Variants in EXOC6B observed in about 807,000 individuals in gnomAD.
EXOC6B encodes SEC15 homolog B.
In EXOC6B, 54 loss-of-function variants were observed where a neutral mutation model predicts 113.5. The observed-to-expected ratio is 0.48, with a 90% CI of 0.38 to 0.60. The LOEUF is 0.60. Among genes scored for constraint, EXOC6B ranks in the 20% least tolerant of loss-of-function variants. EXOC6B has a pLI of 0.00. For missense variants in EXOC6B, 797 were observed against 977.5 expected (o/e 0.82, Z 2.46); for synonymous variants, 357 against 339.0 (o/e 1.05, Z -0.58).
intron 6 of EXOC6B, among the ~76,000 whole-genome samples, chr2:72,616,543 G>A (rs766918277): frequency 3.9e-5 from 6 of 152,172 alleles, no homozygotes; most frequent in Non-Finnish European, 7.4e-5. Flanking sequence ...AAGGCAAGAA[G>A]GAACAAGTCA....
In EXOC6B at chr2:72,781,880, T is replaced by C. The variant is rs57181862; in HGVS notation, c.114-40411A>G. Among the ~76,000 whole-genome samples the C allele has an allele frequency of 5.4e-3, 817 of 152,202 alleles. 8 individuals carry two copies. The highest frequency in any genetic ancestry group is 0.018 in the African/African-American group (766 of 41,536). ...TAGGCCAGGCGCAGTGGTTCGCACT[T>C]GTAATCCCAGAACTTTGGGAGGCCG... is the stretch of plus-strand genomic sequence containing the variant. On this transcript the variant is annotated intron_variant, in intron 1 of 21. Transcript: ENST00000272427.
chr2:72,555,447 T>C (rs1447043731), intron 8 of EXOC6B, among the ~76,000 whole-genome samples: 2 of 152,200 alleles, frequency 1.3e-5, no homozygotes, highest in African/African-American at 4.8e-5. Context: ...TGATCACCAT[T>C]CTAACTGGTG....
chr2:72,564,294 C>A, intron 7 of EXOC6B, among the ~76,000 whole-genome samples: 1 of 152,142 alleles, frequency 6.6e-6, no homozygotes, highest in East Asian at 1.9e-4. Flanking sequence ...CCTCATACAC[C>A]TACACGGCAT....
chr2:72,710,857 C>T (rs911921971), intron 6 of EXOC6B, among the ~76,000 whole-genome samples: 2 of 152,152 alleles, frequency 1.3e-5, no homozygotes, highest in Non-Finnish European at 2.9e-5. Context: ...GGAATAATGC[C>T]TAGGAGCCTT....
At chr2:72,709,056 TA>T (rs772379992) in intron 6 of EXOC6B, among the ~76,000 whole-genome samples, 22 of 145,648 alleles carry the variant, frequency 1.5e-4, no homozygotes, top group East Asian at 1.2e-3. Flanking sequence ...AATTAAAATT[TA>T]AAAAAAAAAA....
intron 19 of EXOC6B, among the ~76,000 whole-genome samples, chr2:72,346,886 A>G (rs768056845): frequency 6.6e-6 from 1 of 152,120 alleles, no homozygotes; most frequent in Non-Finnish European, 1.5e-5. Flanking sequence ...TTCAACCTAC[A>G]ATCTTGGGAT....
At chr2:72,337,378 T>G (rs1237890781) in intron 19 of EXOC6B, among the ~76,000 whole-genome samples, 1 of 152,170 alleles carries the variant, frequency 6.6e-6, no homozygotes, top group Non-Finnish European at 1.5e-5. Flanking sequence ...GTTCAAACCC[T>G]ACTTGTGTCA....
chr2:72,631,487 G>T (rs867512881), intron 6 of EXOC6B, among the ~76,000 whole-genome samples: 13 of 65,876 alleles, frequency 2.0e-4, no homozygotes, highest in African/African-American at 4.8e-4. Flanking sequence ...GAGAGAGAGA[G>T]AGAGAGAGAG....
At chr2:72,614,167 G>C (rs922596374) in intron 6 of EXOC6B, among the ~76,000 whole-genome samples, 1 of 152,144 alleles carries the variant, frequency 6.6e-6, no homozygotes, top group Non-Finnish European at 1.5e-5. Flanking sequence ...AAAGGGAATA[G>C]GAATTAGCGC....
At chr2:72,537,756 T>C (rs1001275727) in intron 8 of EXOC6B, among the ~76,000 whole-genome samples, 2 of 152,168 alleles carry the variant, frequency 1.3e-5, no homozygotes. Context: ...TTTATAAACA[T>C]CAGGTTCTTA....
chr2:72,499,628 G>A (rs1700217877), intron 12 of EXOC6B, among the ~76,000 whole-genome samples: 1 of 151,224 alleles, frequency 6.6e-6, no homozygotes, highest in African/African-American at 2.4e-5. Flanking sequence ...CCTATGTTCA[G>A]GCAATCCTCT....
chr2:72,208,403 A>C (rs1679965654), intron 20 of EXOC6B, among the ~76,000 whole-genome samples: 1 of 152,120 alleles, frequency 6.6e-6, no homozygotes, highest in African/African-American at 2.4e-5. Context: ...ATGTTGCTGC[A>C]AAGGGCATAA....
At chr2:72,558,023 C>T (rs1393247747) in intron 8 of EXOC6B, among the ~76,000 whole-genome samples, 1 of 86,544 alleles carries the variant, frequency 1.2e-5, no homozygotes, top group African/African-American at 3.8e-5. Context: ...ATATTCAGAG[C>T]TTCTTTATAA....
At chr2:72,422,903 TG>T (rs202218121) in intron 18 of EXOC6B, among the ~76,000 whole-genome samples, 30,311 of 152,016 alleles carry the variant, frequency 0.2, 5,562 homozygotes, top group African/African-American at 0.49. Flanking sequence ...AACAGGCCAC[TG>T]GGCTCTACCA....
chr2:72,375,944 C>T (rs573799228), intron 19 of EXOC6B, among the ~76,000 whole-genome samples: 2 of 152,254 alleles, frequency 1.3e-5, no homozygotes, highest in African/African-American at 2.4e-5. Context: ...TTTTACACAA[C>T]AGCCAACCAA....
chr2:72,693,250 G>A (rs1012226605), intron 6 of EXOC6B, among the ~76,000 whole-genome samples: 9 of 150,430 alleles, frequency 6.0e-5, no homozygotes, highest in African/African-American at 1.9e-4. Flanking sequence ...GTCTCACCTG[G>A]AAAACTAGAA....
chr2:72,267,825 C>CA (rs1684227875), intron 20 of EXOC6B, among the ~76,000 whole-genome samples: 1 of 152,138 alleles, frequency 6.6e-6, no homozygotes, highest in African/African-American at 2.4e-5. Context: ...TAAGAAATTT[C>CA]ACTTGGGTCA....
At chr2:72,360,953 T>C (rs1263289436) in intron 19 of EXOC6B, among the ~76,000 whole-genome samples, 1 of 136,186 alleles carries the variant, frequency 7.3e-6, no homozygotes, top group Non-Finnish European at 1.5e-5. Flanking sequence ...AAAAAAAAAT[T>C]ATGGAACTTT....
chr2:72,222,358 A>C (rs1043934613), intron 20 of EXOC6B, among the ~76,000 whole-genome samples: 4 of 152,196 alleles, frequency 2.6e-5, no homozygotes, highest in African/African-American at 9.7e-5. Context: ...AGTATGGGGG[A>C]AAATGTTTTT....
Sources: gnomAD v4.1 joint callset for allele counts (sites outside exome capture counted in the v4.1 genomes callset) on GRCh38, gnomAD v4.1.1 for gene constraint, MANE v1.5 for transcripts, NCBI Gene and HGNC (gene_info 2026-07-23, HGNC 2026-07-21) for gene names.